The following FOXP2 variants were observed in gnomAD, a reference collection of about 807,000 sequenced individuals.
FOXP2 encodes the protein forkhead box P2.
FOXP2 carries 12 observed loss-of-function variants against 115.8 expected under a neutral mutation model. The ratio of observed to expected loss-of-function variants is 0.10; its 90% CI spans 0.07 to 0.17. The LOEUF (loss-of-function observed/expected upper bound fraction) is 0.17, where lower values mean the gene tolerates loss of function less well. Among genes scored for constraint, FOXP2 ranks in the 10% least tolerant of loss-of-function variants. The pLI, the probability that FOXP2 is intolerant of heterozygous loss-of-function variation, is 1.00. For synonymous variants in FOXP2, 328 were observed against 297.7 expected, an observed-to-expected ratio of 1.10 and a Z score of -1.05; for missense variants, 629 against 843.5, an observed-to-expected ratio of 0.75 and a Z score of 3.15.
At chr7:114,518,194 A>G (rs1249308025) in intron 2 of FOXP2, among the ~76,000 whole-genome samples, 1 of 152,190 alleles carries the variant, frequency 6.6e-6, no homozygotes, top group East Asian at 1.9e-4. Flanking sequence ...ATACCAATGT[A>G]TATATAAAAT....
chr7:114,176,667 G>GTT (rs35612669), intron 1 of FOXP2, among the ~76,000 whole-genome samples: 3 of 113,732 alleles, frequency 2.6e-5, no homozygotes, highest in Non-Finnish European at 3.7e-5. Context: ...TTCTTAGGTT[G>GTT]TTTTTTTTTT....
intron 1 of FOXP2, among the ~76,000 whole-genome samples, chr7:114,105,578 A>G (rs1309182245): frequency 6.6e-6 from 1 of 151,604 alleles, no homozygotes; most frequent in East Asian, 1.9e-4. Context: ...TCTTTTGTAA[A>G]CTCTCATTTT....
intron 1 of FOXP2, among the ~76,000 whole-genome samples, chr7:114,107,173 C>A (rs1198358190): frequency 1.3e-5 from 2 of 151,944 alleles, no homozygotes; most frequent in Non-Finnish European, 2.9e-5. Context: ...GAATTTTACT[C>A]TTAAGTTGGC....
At chr7:114,117,746 A>G (rs1032480852) in intron 1 of FOXP2, among the ~76,000 whole-genome samples, 3 of 152,126 alleles carry the variant, frequency 2.0e-5, no homozygotes, top group Non-Finnish European at 4.4e-5. Context: ...ACCAATTACC[A>G]TCAACTAGAT....
intron 1 of FOXP2, among the ~76,000 whole-genome samples, chr7:114,219,161 A>G (rs1794557492): frequency 6.6e-6 from 1 of 152,184 alleles, no homozygotes; most frequent in Non-Finnish European, 1.5e-5. Context: ...TAGATTGTAT[A>G]CTAATCAAAA....
intron 5 of FOXP2, chr7:114,631,098 G>T (rs1417336225): frequency 5.0e-6 from 1 of 201,718 alleles, no homozygotes; most frequent in East Asian, 1.2e-4. Context: ...CTACATCCCA[G>T]TTTACTAATA....
intron 1 of FOXP2, among the ~76,000 whole-genome samples, chr7:114,174,986 A>G (rs150356540): frequency 2.7e-3 from 416 of 152,206 alleles, no homozygotes; most frequent in African/African-American, 9.5e-3. Context: ...CTGCTGAATA[A>G]CTACCTCAAA....
intron 1 of FOXP2, among the ~76,000 whole-genome samples, chr7:114,094,471 A>G: frequency 6.6e-6 from 1 of 152,164 alleles, no homozygotes; most frequent in Non-Finnish European, 1.5e-5. Flanking sequence ...TTTTCTGTTG[A>G]TAATGAAGGA....
Position 114,106,266 on chromosome 7 carries a change from A to C in FOXP2, c.-247+18428A>C, listed in dbSNP as rs1791113064. Reference sequence around the variant, plus strand: ...TATGAATTTAAAACCATATTTGTAAACATCCAACATAGTAACTGCCAGGTA... The same window carrying C: ...TATGAATTTAAAACCATATTTGTAACCATCCAACATAGTAACTGCCAGGTA... On this transcript the variant is annotated intron_variant, in intron 1 of 19. Transcript: ENST00000635638. Among the ~76,000 whole-genome samples the C allele has an allele frequency of 3.3e-5, 5 of 152,016 alleles. No individual in the cohort carries two copies. The South Asian group carries it at 1.0e-3, about 32-fold the overall frequency.
intron 3 of FOXP2, among the ~76,000 whole-genome samples, chr7:114,616,827 T>C (rs1803976748): frequency 1.3e-5 from 2 of 152,102 alleles, no homozygotes; most frequent in South Asian, 4.1e-4. Context: ...ATAATCCCAG[T>C]GGTTTGGCAG....
At chr7:114,177,557 A>G (rs2129154384) in intron 1 of FOXP2, among the ~76,000 whole-genome samples, 1 of 152,208 alleles carries the variant, frequency 6.6e-6, no homozygotes, top group South Asian at 2.1e-4. Flanking sequence ...ATAATACTTG[A>G]ATGAATATAT....
At chr7:114,318,792 A>G (rs1194813671) in intron 2 of FOXP2, among the ~76,000 whole-genome samples, 1 of 152,046 alleles carries the variant, frequency 6.6e-6, no homozygotes, top group Non-Finnish European at 1.5e-5. Context: ...CTACTCATAC[A>G]TACAAATAAA....
intron 2 of FOXP2, among the ~76,000 whole-genome samples, chr7:114,441,167 G>A (rs764775033): frequency 6.6e-6 from 1 of 152,116 alleles, no homozygotes; most frequent in Non-Finnish European, 1.5e-5. Context: ...GGAATGTTCG[G>A]CTGGGTGTGG....
intron 1 of FOXP2, among the ~76,000 whole-genome samples, chr7:114,097,335 C>G (rs1584476762): frequency 6.6e-6 from 1 of 152,246 alleles, no homozygotes; most frequent in Middle Eastern, 3.4e-3. Context: ...TGTTTTATGT[C>G]TCTATAGTTT....
intron 2 of FOXP2, among the ~76,000 whole-genome samples, chr7:114,375,668 A>G (rs936915817): frequency 6.6e-6 from 1 of 152,176 alleles, no homozygotes; most frequent in Non-Finnish European, 1.5e-5. Flanking sequence ...TCTTATGTCT[A>G]GATGCTGACT....
chr7:114,235,166 G>A (rs2129166529), intron 1 of FOXP2, among the ~76,000 whole-genome samples: 1 of 152,012 alleles, frequency 6.6e-6, no homozygotes, highest in Non-Finnish European at 1.5e-5. Context: ...AATACTTGTT[G>A]ATGAATAAAT....
chr7:114,453,383 G>A (rs534378681), intron 2 of FOXP2, among the ~76,000 whole-genome samples: 1 of 152,128 alleles, frequency 6.6e-6, no homozygotes, highest in South Asian at 2.1e-4. Flanking sequence ...GTACAATGTG[G>A]ATACTATCTC....
At chr7:114,232,887 C>T (rs1794920340) in intron 1 of FOXP2, among the ~76,000 whole-genome samples, 1 of 151,840 alleles carries the variant, frequency 6.6e-6, no homozygotes, top group Non-Finnish European at 1.5e-5. Context: ...AATTTGAGAT[C>T]ATTATGCTAA....
intron 1 of FOXP2, among the ~76,000 whole-genome samples, chr7:114,192,480 G>C (rs1252648065): frequency 6.6e-6 from 1 of 152,100 alleles, no homozygotes; most frequent in Non-Finnish European, 1.5e-5. Flanking sequence ...GTTTATGTCA[G>C]TTCATTTGGA....
Sources: allele counts gnomAD v4.1 joint callset (sites outside exome capture counted in the v4.1 genomes callset), GRCh38; gene constraint gnomAD v4.1.1; transcripts MANE v1.5; gene names NCBI Gene and HGNC (gene_info 2026-07-23, HGNC 2026-07-21).